GAN: variants seen among roughly 807,000 people sequenced by gnomAD.
GAN encodes gigaxonin.
In GAN, 48 loss-of-function variants were observed where a neutral mutation model predicts 71.3. That is an observed-to-expected ratio of 0.67 (90% CI 0.53 to 0.86). GAN has a LOEUF of 0.86. Among genes scored for constraint, GAN ranks in the 40% least tolerant of loss-of-function variants. The pLI is 0.00. For missense variants in GAN, 928 were observed against 770.1 expected, an observed-to-expected ratio of 1.21 and a Z score of -2.43; for synonymous variants, 386 against 276.8, an observed-to-expected ratio of 1.39 and a Z score of -3.92.
At chr16:81,367,431 A>G (rs1226641703) in intron 9 of GAN, among the ~76,000 whole-genome samples, 1 of 151,976 alleles carries the variant, frequency 6.6e-6, no homozygotes, top group African/African-American at 2.4e-5. Context: ...CAGAAGGCTG[A>G]GGCATGAGAA....
rs150260567 is a variant in GAN at position 81,328,999 on chromosome 16, T to G, written c.167+13719T>G. 4.7e-3 allele frequency among the ~76,000 whole-genome samples: 718 copies of G among 152,318 alleles called. 4 individuals carry two copies. Among genetic ancestry groups the G allele is most frequent in the African/African-American group, 0.017 (687 of 41,578 alleles). Reference sequence around the variant, plus strand: ...CGTTTCATCTACAGTATTAGATGTTTAAAAATCTGGGCGTAAAATCTTTTA... The same window carrying G: ...CGTTTCATCTACAGTATTAGATGTTGAAAAATCTGGGCGTAAAATCTTTTA... On this transcript the variant is annotated intron_variant, in intron 1 of 10. Transcript: ENST00000648994.
chr16:81,356,313 GT>G (rs201744706), intron 3 of GAN, among the ~76,000 whole-genome samples: 1 of 151,352 alleles, frequency 6.6e-6, no homozygotes. Context: ...TAGTACTCAG[GT>G]TTTTTTTTAA....
intron 2 of GAN, among the ~76,000 whole-genome samples, chr16:81,352,511 T>C (rs1051513531): frequency 3.9e-5 from 6 of 152,194 alleles, no homozygotes; most frequent in African/African-American, 1.2e-4. Flanking sequence ...GCATTTCATC[T>C]TTATTCTTTC....
intron 1 of GAN, among the ~76,000 whole-genome samples, chr16:81,335,151 T>TG (rs951794038): frequency 8.9e-5 from 5 of 56,180 alleles, no homozygotes; most frequent in Admixed American, 5.0e-4. Context: ...GACTATGGGG[T>TG]GGGGGGAGGG....
chr16:81,348,629 G>T lies in GAN; in HGVS notation c.168-2954G>T, dbSNP rs1379246068. On this transcript the variant is annotated intron_variant, in intron 1 of 10. Coordinates refer to ENST00000648994, the MANE Select transcript of GAN (RefSeq NM_022041.4). ...AGCCATGAGCCTACAGGCCGCCTCT[G>T]TTTAGCCCAGAGTAATACTACGTTT... Among the ~76,000 whole-genome samples the T allele has an allele frequency of 3.3e-5, 5 of 152,222 alleles. No individual in the cohort carries two copies. In the East Asian group the frequency reaches 9.6e-4, roughly 29 times the overall value.
chr16:81,364,087 C>T (rs956191605), intron 7 of GAN, 144 bp downstream of exon 7: 17 of 743,874 alleles, frequency 2.3e-5, no homozygotes, highest in African/African-American at 3.5e-5. Flanking sequence ...CGGTAGTTTG[C>T]CTTCACTGTC....
intron 1 of GAN, among the ~76,000 whole-genome samples, chr16:81,316,346 G>T (rs572943711): frequency 2.1e-5 from 1 of 48,390 alleles, no homozygotes; most frequent in Non-Finnish European, 4.1e-5. Flanking sequence ...AAACCACCAC[G>T]CACGCTACAC....
Position 81,327,031 on chromosome 16 carries a change from G to C in GAN, c.167+11751G>C, listed in dbSNP as rs548955132. Among the ~76,000 whole-genome samples, 63 of 152,318 alleles carry C rather than the reference G, an allele frequency of 4.1e-4. No individual in the cohort carries two copies. The South Asian group carries it at 8.3e-3, about 20-fold the overall frequency. On this transcript the variant is annotated intron_variant, in intron 1 of 10. Coordinates refer to ENST00000648994, the MANE Select transcript of GAN (RefSeq NM_022041.4). ...GTTTGTGGGGTAGGGCAAAGGGACA[G>C]AATAAACCATTTTGCAACAGAGTTT... is the stretch of plus-strand genomic sequence containing the variant.
In GAN at chr16:81,337,517, C is replaced by G. The variant is rs146606426; in HGVS notation, c.168-14066C>G. On this transcript the variant is annotated intron_variant, in intron 1 of 10. Transcript: ENST00000648994. ...AAAATGATTCTTGGAAGACGATGAC[C>G]AGGCCTATTACCTGGGTGGTTTGTT... Among the ~76,000 whole-genome samples the G allele has an allele frequency of 4.5e-4, 69 of 152,266 alleles. 1 individual carries two copies. In the East Asian group the frequency reaches 0.013, roughly 28 times the overall value.
At chr16:81,362,339 C>A (rs1336533998) in intron 5 of GAN, among the ~76,000 whole-genome samples, 160 bp from the exon 6 acceptor site, 3 of 152,156 alleles carry the variant, frequency 2.0e-5, no homozygotes, top group Non-Finnish European at 4.4e-5. Flanking sequence ...GGTTTGGCTC[C>A]ATCACCAAGG....
In GAN at chr16:81,385,229, A is replaced by C. The variant is rs1373945083; in HGVS notation, c.*7633A>C. 1 of 151,594 alleles carries C rather than the reference A, an allele frequency of 6.6e-6. No homozygotes were observed. The highest frequency in any genetic ancestry group is 1.9e-4 in the East Asian group (1 of 5,204). The allele number at this position is 151,594 out of a possible 1,614,324, so 9.4% of individuals were successfully genotyped here. A position where few individuals can be genotyped will look rare whatever the true frequency, so the allele number is the denominator to read the frequency against. ...TAGCACCCTGTTGACTTAGCTCAGG[A>C]CATGAGACTGACTTAGCTCAGGACA... is the stretch of plus-strand genomic sequence containing the variant. On this transcript the variant is annotated 3_prime_UTR_variant, in exon 11 of 11. Coordinates refer to ENST00000648994, the MANE Select transcript of GAN (RefSeq NM_022041.4).
intron 8 of GAN, 45 bp downstream of exon 8, chr16:81,365,155 C>G: frequency 6.2e-7 from 1 of 1,603,756 alleles, no homozygotes; most frequent in Non-Finnish European, 8.5e-7. Flanking sequence ...TTGCTGTTCA[C>G]TGGGTCTGGA....
chr16:81,335,808 A>G (rs913694981), intron 1 of GAN, among the ~76,000 whole-genome samples: 29 of 152,190 alleles, frequency 1.9e-4, no homozygotes, highest in Middle Eastern at 3.2e-3. Context: ...GTGTGAGGAA[A>G]AAAGTTTTTT....
Position 81,377,576 on chromosome 16 carries a change from A to G in GAN, c.1774A>G (p.Ile592Val), listed in dbSNP as rs1904286128. The change falls in exon 11 of 11, where the codon ATT (isoleucine) becomes GTT (valine). Residue 592 changes from isoleucine to valine, a missense_variant. By Grantham distance (29) the Ile-to-Val change is conservative. Transcript: ENST00000648994. Reference sequence around the variant, plus strand: ...GCAGCTTCAGCAAGGCTTATTCCGTATTCGTGTTCATTCCCCTTGAGGAGG... The same window carrying G: ...GCAGCTTCAGCAAGGCTTATTCCGTGTTCGTGTTCATTCCCCTTGAGGAGG... Reference protein sequence around the residue: ...RLQLQQGLFRIRVHSP With the variant: ...RLQLQQGLFRVRVHSP The G allele has an allele frequency of 6.2e-7, 1 of 1,614,140 alleles. No individual in the cohort carries two copies. The highest frequency in any genetic ancestry group is 8.5e-7 in the Non-Finnish European group (1 of 1,180,008).
rs1447849317 is a variant in GAN, at chr16:81,388,174, T to A, written c.*10578T>A. On this transcript the variant is annotated 3_prime_UTR_variant, in exon 11 of 11. Coordinates refer to ENST00000648994, the MANE Select transcript of GAN (RefSeq NM_022041.4). ...TTACTCACTCTTCTTGGGATAGCTT[T>A]CCCACCCTGCCCTCTGCTCCTCTGT... The A allele has an allele frequency of 1.3e-5, 2 of 152,270 alleles. No homozygotes were observed. The highest frequency in any genetic ancestry group is 2.9e-5 in the Non-Finnish European group (2 of 68,070). The allele number at this position is 152,270 out of a possible 1,614,324, so 9.4% of individuals were successfully genotyped here. A position where few individuals can be genotyped will look rare whatever the true frequency, so the allele number is the denominator to read the frequency against.
chr16:81,332,842 A>C (rs1909630864), intron 1 of GAN, among the ~76,000 whole-genome samples: 1 of 152,148 alleles, frequency 6.6e-6, no homozygotes, highest in Non-Finnish European at 1.5e-5. Flanking sequence ...AACCCCATGG[A>C]AGTGATATCA....
At position 81,376,187 on chromosome 16, in the gene GAN, CT is replaced by C. The variant is rs927094307; in HGVS notation, c.1503-1021del. 1.6e-3 allele frequency among the ~76,000 whole-genome samples: 228 copies of C among 146,860 alleles called. 2 individuals are homozygous for C. Among genetic ancestry groups the C allele is most frequent in the African/African-American group, 4.0e-3 (160 of 40,292 alleles). On this transcript the variant is annotated intron_variant, in intron 9 of 10. Transcript: ENST00000648994. The stretch of plus-strand genomic sequence containing the variant: ...CAAAGCTTTGGAAAGCAGTGGGGCA[CT>C]TTTTTTTTTTCCAGTAAACAATAAC...
chr16:81,330,029 C>T (rs1413779865), intron 1 of GAN, among the ~76,000 whole-genome samples: 1 of 152,188 alleles, frequency 6.6e-6, no homozygotes, highest in African/African-American at 2.4e-5. Context: ...TCACCTCGCT[C>T]ACTCTCAGCA....
intron 9 of GAN, among the ~76,000 whole-genome samples, chr16:81,373,557 A>G (rs924743439): frequency 6.6e-6 from 1 of 152,202 alleles, no homozygotes; most frequent in African/African-American, 2.4e-5. Flanking sequence ...AACATCTTAC[A>G]TGACCGTAGT....
Sources: gnomAD v4.1 joint callset for allele counts (sites outside exome capture counted in the v4.1 genomes callset) on GRCh38, gnomAD v4.1.1 for gene constraint, MANE v1.5 for transcripts, NCBI Gene and HGNC (gene_info 2026-07-23, HGNC 2026-07-21) for gene names.